MAX: variants seen among roughly 807,000 people sequenced by gnomAD.
The protein encoded by MAX is protein max.
A neutral mutation model predicts 22.3 loss-of-function variants in MAX; 3 were observed. The ratio of observed to expected loss-of-function variants is 0.13; its 90% CI spans 0.06 to 0.35. MAX has a LOEUF of 0.35. MAX is among the 10% of genes least tolerant of loss of function. The pLI, the probability that MAX is intolerant of heterozygous loss-of-function variation, is 1.00. For missense variants in MAX, 119 were observed against 209.4 expected (o/e 0.57, Z 2.66); for synonymous variants, 72 against 77.7 (o/e 0.93, Z 0.39).
intron 3 of MAX, among the ~76,000 whole-genome samples, chr14:65,083,570 G>A (rs1159415491): frequency 1.3e-5 from 2 of 152,142 alleles, no homozygotes; most frequent in Non-Finnish European, 2.9e-5. Flanking sequence ...GAACACCACT[G>A]CCCTTCCCTA....
intron 3 of MAX, chr14:65,061,541 A>G: frequency 3.3e-6 from 2 of 604,186 alleles, no homozygotes; most frequent in South Asian, 2.2e-5. Context: ...CTATCAGCCC[A>G]CGTGGTGTGG....
At chr14:65,010,582 G>A (rs890438696) in intron 3 of MAX, among the ~76,000 whole-genome samples, 3 of 152,158 alleles carry the variant, frequency 2.0e-5, no homozygotes, top group Admixed American at 1.3e-4. Context: ...TGCCCACTGC[G>A]ATATTTTCAG....
intron 3 of MAX, among the ~76,000 whole-genome samples, chr14:65,085,503 G>A (rs776256358): frequency 2.6e-5 from 4 of 152,164 alleles, no homozygotes; most frequent in Non-Finnish European, 4.4e-5. Context: ...TACTCTTGGG[G>A]GAGTGAGACC....
At chr14:65,090,832 T>C (rs2063486514) in intron 3 of MAX, among the ~76,000 whole-genome samples, 1 of 152,198 alleles carries the variant, frequency 6.6e-6, no homozygotes, top group African/African-American at 2.4e-5. Flanking sequence ...TAATTTATAG[T>C]AGAAATACAG....
In MAX at chr14:65,093,487, T is replaced by G. The variant is rs1228276182; in HGVS notation, c.171+221A>C. ...AAATTTTAAAAGATAACTCCTACCA[T>G]TATCTCACAAATAGCTCCATTATAT... On this transcript the variant is annotated intron_variant, in intron 3 of 4. Coordinates refer to ENST00000358664, the MANE Select transcript of MAX (RefSeq NM_002382.5). This position sits in a 1 kb window ranked among gnomAD's most constrained non-coding sequence, Gnocchi z 4.4. 1.2e-5 allele frequency: 7 copies of G among 571,794 alleles called. No homozygotes were observed. The East Asian group carries it at 2.1e-4, about 17-fold the overall frequency. 35.4% of individuals were successfully genotyped at this position (571,794 alleles called of 1,614,324 possible).
rs1286642522 is a variant in MAX at position 65,101,097 on chromosome 14, C to T, written c.63+449G>A. ...TGTGCTAGATTCTACGGGTCTATAG[C>T]AGTCACATGACTTGGTTAAAGGCGA... On this transcript the variant is annotated intron_variant, in intron 2 of 4. Coordinates refer to ENST00000358664, the MANE Select transcript of MAX (RefSeq NM_002382.5). Among the ~76,000 whole-genome samples the T allele has an allele frequency of 2.6e-5, 4 of 152,240 alleles. No individual in the cohort carries two copies. The East Asian group carries it at 7.7e-4, about 29-fold the overall frequency.
rs574289378 is a variant in MAX, at chr14:65,020,012, T to C, written c.172-13728A>G. On this transcript the variant is annotated intron_variant, in intron 3 of 3. Transcript: ENST00000341653. The stretch of plus-strand genomic sequence containing the variant: ...ATTAAGGTGACCTAGAGTCAAAAAG[T>C]CTAGCTCTGCAGTTTTATTATTTTC... Among the ~76,000 whole-genome samples, 6 of 152,324 alleles carry C rather than the reference T, an allele frequency of 3.9e-5. No individual in the cohort carries two copies. In the South Asian group the frequency reaches 1.0e-3, roughly 26 times the overall value.
At chr14:65,074,202 G>A (rs932992745), downstream of MAX, among the ~76,000 whole-genome samples, 6 of 152,196 alleles carry the variant, frequency 3.9e-5, no homozygotes, top group Admixed American at 3.9e-4. Flanking sequence ...AAAGAGGAAA[G>A]CATGTTAACC....
intron 3 of MAX, among the ~76,000 whole-genome samples, chr14:65,057,722 T>G (rs2062769244): frequency 1.3e-5 from 2 of 152,238 alleles, no homozygotes; most frequent in Non-Finnish European, 2.9e-5. Flanking sequence ...CTCTTGGATT[T>G]GGTTTCTGTG....
At chr14:65,016,426 C>G (rs1013657431) in intron 3 of MAX, 1 of 152,248 alleles carries the variant, frequency 6.6e-6, no homozygotes, top group African/African-American at 2.4e-5. Flanking sequence ...TCCAAGAGAT[C>G]CACTGAGAGG....
In MAX at chr14:65,012,226, G is replaced by T; in HGVS notation, c.172-5942C>A. ...TTGCAGGGGGACGTCCTGAAGCTGA[G>T]TGTTTACCCGTGTGTGTGTACGTGC... is the stretch of plus-strand genomic sequence containing the variant. On this transcript the variant is annotated intron_variant, in intron 3 of 3. Transcript: ENST00000341653. This position sits in a 1 kb window ranked among gnomAD's most constrained non-coding sequence, Gnocchi z 5.0. 1 of 1,523,492 alleles carries T rather than the reference G, an allele frequency of 6.6e-7. No individual in the cohort carries two copies. The highest frequency in any genetic ancestry group is 9.1e-7 in the Non-Finnish European group (1 of 1,103,412). The allele number at this position is 1,523,492 out of a possible 1,614,324, so 94.4% of individuals were successfully genotyped here.
rs118149535 is a variant in MAX at position 65,029,420 on chromosome 14, G to C, written c.172-23136C>G. Among the ~76,000 whole-genome samples, 1,040 of 152,336 alleles carry C rather than the reference G, an allele frequency of 6.8e-3. 10 individuals carry two copies. The highest frequency in any genetic ancestry group is 0.014 in the Admixed American group (210 of 15,302). On this transcript the variant is annotated intron_variant, in intron 3 of 3. Transcript: ENST00000341653. The surrounding 1 kb of genome is among the most constrained non-coding windows in gnomAD (Gnocchi z 4.7). The stretch of plus-strand genomic sequence containing the variant: ...ACTAGCTCGCTGCCCTTCTGGGATA[G>C]ACAGCAGTCTCTGGATGATCTTTCT...
intron 3 of MAX, chr14:65,015,626 G>A: frequency 6.2e-7 from 1 of 1,614,054 alleles, no homozygotes; most frequent in East Asian, 2.2e-5. Context: ...CTCTCCCAGT[G>A]TCTGGATGCC....
At chr14:65,058,534 C>G (rs2062793561) in intron 3 of MAX, among the ~76,000 whole-genome samples, 1 of 152,124 alleles carries the variant, frequency 6.6e-6, no homozygotes, top group Admixed American at 6.5e-5. Context: ...TCTCTTGCTC[C>G]TGATTATAAT....
In MAX at chr14:65,079,605, G is replaced by A. The variant is rs1197190539; in HGVS notation, c.172-1569C>T. Among the ~76,000 whole-genome samples the A allele has an allele frequency of 6.6e-6, 1 of 152,202 alleles. No individual in the cohort carries two copies. Among genetic ancestry groups the A allele is most frequent in the Non-Finnish European group, 1.5e-5 (1 of 68,038 alleles). On this transcript the variant is annotated intron_variant, in intron 3 of 4. Coordinates refer to ENST00000358664, the MANE Select transcript of MAX (RefSeq NM_002382.5). This position sits in a 1 kb window ranked among gnomAD's most constrained non-coding sequence, Gnocchi z 4.5. ...CCAGAGACTCCTGAGCAGCCGGAAA[G>A]CTTCTTACTCAGGGTAGGGAGTGCT... is the stretch of plus-strand genomic sequence containing the variant.
At chr14:65,091,867 C>G (rs1321903678) in intron 3 of MAX, 1 of 152,100 alleles carries the variant, frequency 6.6e-6, no homozygotes, top group Non-Finnish European at 1.5e-5. Flanking sequence ...CTGTTATTGT[C>G]TGTTTTGTTT....
chr14:65,042,487 C>G, intron 3 of MAX, among the ~76,000 whole-genome samples: 1 of 152,176 alleles, frequency 6.6e-6, no homozygotes, highest in East Asian at 1.9e-4. Context: ...AATGCTGCTG[C>G]TGATCTGTCA....
At position 65,011,848 on chromosome 14, in the gene MAX, G is replaced by C. The variant is rs1470766903; in HGVS notation, c.172-5564C>G. Among the ~76,000 whole-genome samples, 1 of 152,222 alleles carries C rather than the reference G, an allele frequency of 6.6e-6. No individual in the cohort carries two copies. The highest frequency in any genetic ancestry group is 1.9e-4 in the East Asian group (1 of 5,206). On this transcript the variant is annotated intron_variant, in intron 3 of 3. Coordinates refer to the MAX transcript ENST00000341653. This position sits in a 1 kb window ranked among gnomAD's most constrained non-coding sequence, Gnocchi z 4.0. ...GTTGGATAACCGAGAGGCAGGCAGG[G>C]AGTAAATTATGGGCCTTGGAGAAGT...
At chr14:65,099,446 T>G (rs1289974137) in intron 2 of MAX, among the ~76,000 whole-genome samples, 1 of 151,826 alleles carries the variant, frequency 6.6e-6, no homozygotes, top group Non-Finnish European at 1.5e-5. Context: ...TTATAATAAT[T>G]TAATAACAAA....
Sources: gnomAD v4.1 joint callset for allele counts (sites outside exome capture counted in the v4.1 genomes callset) on GRCh38, gnomAD v4.1.1 for gene constraint, Gnocchi (gnomAD v3.1) non-coding constraint, MANE v1.5 for transcripts, NCBI Gene and HGNC (gene_info 2026-07-23, HGNC 2026-07-21) for gene names.